Variants in SLIT3 observed in about 807,000 individuals in gnomAD.
SLIT3 encodes the protein slit guidance ligand 3.
Under a neutral mutation model 184.0 loss-of-function variants are expected in SLIT3, and 68 were observed. That is an observed-to-expected ratio of 0.37 (90% CI 0.30 to 0.45). The LOEUF (loss-of-function observed/expected upper bound fraction) is 0.45. Ranked by LOEUF, SLIT3 falls within the 20% of genes least tolerant of loss-of-function variation. The pLI is 1.00. For missense variants in SLIT3, 1,707 were observed against 2,026.0 expected (o/e 0.84, Z 3.02); for synonymous variants, 831 against 828.6 (o/e 1.00, Z -0.05).
Position 168,685,708 on chromosome 5 carries a change from G to T in SLIT3, c.3534C>A (p.Pro1178=), listed in dbSNP as rs775426849. The T allele has an allele frequency of 6.4e-7, 1 of 1,564,950 alleles. No individual in the cohort carries two copies. Among genetic ancestry groups the T allele is most frequent in the South Asian group, 1.2e-5 (1 of 82,344 alleles). The change falls in exon 31 of 36, where the codon CCC becomes CCA. Residue 1178 remains proline (P), a synonymous_variant. Coordinates refer to ENST00000519560, the MANE Select transcript of SLIT3 (RefSeq NM_003062.4). ...ACACCTGCAGGGAGATGTTGGCCTG[G>T]GGTCGGACCTTGGCGGAGGCCAGTT... ...YVELASAKVR[P]QANISLQVAT...
intron 1 of SLIT3, among the ~76,000 whole-genome samples, chr5:169,272,332 G>A (rs1379757649): frequency 6.6e-6 from 1 of 152,212 alleles, no homozygotes; most frequent in East Asian, 1.9e-4. Flanking sequence ...GCAAGCAGCT[G>A]GGCATGCAGT....
intron 3 of SLIT3, among the ~76,000 whole-genome samples, chr5:169,215,792 T>C (rs1764415526): frequency 6.6e-6 from 1 of 152,244 alleles, no homozygotes; most frequent in South Asian, 2.1e-4. Flanking sequence ...GGCCAAGTGC[T>C]AACCTTGTTT....
At position 168,664,009 on chromosome 5, in the gene SLIT3, G is replaced by T. The variant is rs919174592; in HGVS notation, c.*2445C>A. On this transcript the variant is annotated 3_prime_UTR_variant, in exon 36 of 36. Transcript: ENST00000519560. Reference sequence around the variant, plus strand: ...GCAAGTTCTGGAGTCAGACAGCCTGGGCCCAGATCCTGGCTCTACGGTTTA... The same window carrying T: ...GCAAGTTCTGGAGTCAGACAGCCTGTGCCCAGATCCTGGCTCTACGGTTTA... 1 of 152,128 alleles carries T rather than the reference G, an allele frequency of 6.6e-6. No individual in the cohort carries two copies. The highest frequency in any genetic ancestry group is 2.1e-4 in the South Asian group (1 of 4,820). 9.4% of individuals were successfully genotyped at this position (152,128 alleles called of 1,614,324 possible).
intron 12 of SLIT3, among the ~76,000 whole-genome samples, chr5:168,780,751 T>C (rs1755941270): frequency 6.6e-6 from 1 of 152,192 alleles, no homozygotes; most frequent in African/African-American, 2.4e-5. Flanking sequence ...CATCCTGAAT[T>C]TCTTTATCCA....
intron 14 of SLIT3, among the ~76,000 whole-genome samples, chr5:168,763,359 T>C (rs957747189): frequency 1.3e-5 from 2 of 152,150 alleles, no homozygotes; most frequent in African/African-American, 4.8e-5. Flanking sequence ...CAGGGTTGCC[T>C]GATGTTGCTT....
intron 26 of SLIT3, among the ~76,000 whole-genome samples, chr5:168,704,908 G>A (rs984991960): frequency 7.9e-5 from 12 of 152,136 alleles, no homozygotes; most frequent in African/African-American, 2.9e-4. Flanking sequence ...CTCTAACCCC[G>A]GCAAGAAGGA....
intron 12 of SLIT3, among the ~76,000 whole-genome samples, chr5:168,775,455 G>A (rs1348432331): frequency 2.6e-5 from 4 of 151,910 alleles, no homozygotes; most frequent in Admixed American, 6.6e-5. Context: ...TAGCTCAAAT[G>A]TCCGCTCCTC....
At chr5:168,751,463 C>G (rs1754703746) in intron 18 of SLIT3, among the ~76,000 whole-genome samples, 1 of 152,196 alleles carries the variant, frequency 6.6e-6, no homozygotes, top group Admixed American at 6.5e-5. Context: ...CACATTCAAT[C>G]CTCATAACCA....
At chr5:168,860,776 T>C (rs1759074120) in intron 5 of SLIT3, among the ~76,000 whole-genome samples, 1 of 152,176 alleles carries the variant, frequency 6.6e-6, no homozygotes, top group Non-Finnish European at 1.5e-5. Flanking sequence ...ATATGAATTA[T>C]TCAAACTAGC....
At chr5:169,074,125 A>G (rs1308523061) in intron 4 of SLIT3, among the ~76,000 whole-genome samples, 1 of 152,206 alleles carries the variant, frequency 6.6e-6, no homozygotes, top group Non-Finnish European at 1.5e-5. Flanking sequence ...AGGGAGCAGT[A>G]GTTTTCAGAG....
intron 5 of SLIT3, among the ~76,000 whole-genome samples, chr5:168,874,160 T>G (rs1504956): frequency 0.55 from 83,349 of 151,548 alleles, 24,254 homozygotes; most frequent in African/African-American, 0.76. Flanking sequence ...TAAATACTTG[T>G]AATGAGTTAA....
rs184351058 is a variant in SLIT3 at position 168,745,939 on chromosome 5, C to T, written c.2270+2363G>A. 4.7e-3 allele frequency among the ~76,000 whole-genome samples: 714 copies of T among 152,292 alleles called. 3 individuals carry two copies. Among genetic ancestry groups the T allele is most frequent in the Non-Finnish European group, 8.1e-3 (550 of 68,040 alleles). On this transcript the variant is annotated intron_variant, in intron 20 of 35. Transcript: ENST00000519560. ...CCCGACTAGGAAAAAGATTATAACG[C>T]GCTGGAGGCTTAGGGGATCATTAGC... is the stretch of plus-strand genomic sequence containing the variant.
intron 4 of SLIT3, among the ~76,000 whole-genome samples, chr5:169,174,770 A>G (rs1762921873): frequency 6.6e-6 from 1 of 152,206 alleles, no homozygotes; most frequent in South Asian, 2.1e-4. Flanking sequence ...AGTGTGATCA[A>G]AAGAAAAAAA....
At chr5:169,174,725 C>G (rs1468687504) in intron 4 of SLIT3, among the ~76,000 whole-genome samples, 1 of 152,030 alleles carries the variant, frequency 6.6e-6, no homozygotes, top group Non-Finnish European at 1.5e-5. Context: ...TATGAAAAAT[C>G]CAGGAGAGGA....
intron 4 of SLIT3, among the ~76,000 whole-genome samples, chr5:168,976,172 T>A (rs1447401381): frequency 6.6e-6 from 1 of 152,158 alleles, no homozygotes; most frequent in Non-Finnish European, 1.5e-5. Context: ...CCTACTTTTA[T>A]AGGGAGGGAA....
At chr5:168,783,184 G>T (rs1294316278) in intron 12 of SLIT3, among the ~76,000 whole-genome samples, 4 of 152,094 alleles carry the variant, frequency 2.6e-5, no homozygotes, top group Admixed American at 6.5e-5. Flanking sequence ...AACTGAAGGG[G>T]GTAACTTGTG....
chr5:169,214,600 C>A (rs1203828423), intron 3 of SLIT3, among the ~76,000 whole-genome samples: 2 of 152,152 alleles, frequency 1.3e-5, no homozygotes, highest in East Asian at 1.9e-4. Context: ...GGGTGGAGTT[C>A]TTTAACACCA....
At chr5:169,095,218 C>T (rs1378526236) in intron 4 of SLIT3, among the ~76,000 whole-genome samples, 1 of 152,228 alleles carries the variant, frequency 6.6e-6, no homozygotes, top group East Asian at 1.9e-4. Context: ...TGTATAACTA[C>T]TGATCATCCC....
Position 168,939,902 on chromosome 5 carries a change from T to TC in SLIT3, c.414-56567dup, listed in dbSNP as rs376340783. ...TATATTACTTAATTTAATCCTATTA[T>TC]CCTATTTTTATGCCTGTTTTAAAAA... On this transcript the variant is annotated intron_variant, in intron 4 of 35. Coordinates refer to ENST00000519560, the MANE Select transcript of SLIT3 (RefSeq NM_003062.4). Among the ~76,000 whole-genome samples, 1,143 of 152,352 alleles carry TC rather than the reference T, an allele frequency of 7.5e-3. 12 individuals carry two copies. The highest frequency in any genetic ancestry group is 0.026 in the African/African-American group (1,066 of 41,578).
Sources: gnomAD v4.1 joint callset for allele counts (sites outside exome capture counted in the v4.1 genomes callset) on GRCh38, gnomAD v4.1.1 for gene constraint, MANE v1.5 for transcripts, NCBI Gene and HGNC (gene_info 2026-07-23, HGNC 2026-07-21) for gene names.